Variants in PTPRM observed in about 807,000 individuals in gnomAD.
PTPRM encodes receptor-type tyrosine-protein phosphatase mu.
Under a neutral mutation model 186.7 loss-of-function variants are expected in PTPRM, and 47 were observed. That is an observed-to-expected ratio of 0.25 (90% CI 0.20 to 0.32). The LOEUF is 0.32. PTPRM is among the 10% of genes least tolerant of loss of function. PTPRM has a pLI of 1.00. For synonymous variants in PTPRM, 668 were observed against 674.9 expected (o/e 0.99, Z 0.16); for missense variants, 1,494 against 1,865.0 (o/e 0.80, Z 3.66).
intron 14 of PTPRM, among the ~76,000 whole-genome samples, chr18:8,191,114 C>A (rs923017425): frequency 6.6e-6 from 1 of 152,114 alleles, no homozygotes. Flanking sequence ...GGAAAGGGAA[C>A]CTTAAGTTGG....
At chr18:8,374,271 A>G (rs1437964389) in intron 24 of PTPRM, among the ~76,000 whole-genome samples, 1 of 152,182 alleles carries the variant, frequency 6.6e-6, no homozygotes. Flanking sequence ...TGGAACTGAA[A>G]TCTAACAAAG....
At chr18:8,292,718 T>C (rs1423670009) in intron 19 of PTPRM, among the ~76,000 whole-genome samples, 1 of 152,218 alleles carries the variant, frequency 6.6e-6, no homozygotes, top group Non-Finnish European at 1.5e-5. Context: ...GTGGCTCCCA[T>C]GCAATGAACA....
chr18:8,279,204 T>A (rs934640951), intron 19 of PTPRM, among the ~76,000 whole-genome samples: 1 of 152,116 alleles, frequency 6.6e-6, no homozygotes, highest in Non-Finnish European at 1.5e-5. Flanking sequence ...AATATGAGCA[T>A]TGTGAAAGAA....
intron 2 of PTPRM, among the ~76,000 whole-genome samples, chr18:7,874,440 T>C (rs2048129570): frequency 6.6e-6 from 1 of 152,134 alleles, no homozygotes; most frequent in Non-Finnish European, 1.5e-5. Context: ...GAATTTTCCC[T>C]AATATACAGT....
At chr18:7,658,240 T>C (rs1479323279) in intron 1 of PTPRM, among the ~76,000 whole-genome samples, 2 of 151,484 alleles carry the variant, frequency 1.3e-5, no homozygotes, top group African/African-American at 2.4e-5. Context: ...GTAGAAGCTA[T>C]ACAGCATTTG....
intron 19 of PTPRM, among the ~76,000 whole-genome samples, chr18:8,263,327 T>A (rs2094656281): frequency 6.6e-6 from 1 of 152,186 alleles, no homozygotes; most frequent in South Asian, 2.1e-4. Context: ...CAGGCTGGTC[T>A]CGAACTCCTG....
intron 1 of PTPRM, among the ~76,000 whole-genome samples, chr18:7,641,314 C>A (rs1477807387): frequency 6.6e-6 from 1 of 152,050 alleles, no homozygotes; most frequent in African/African-American, 2.4e-5. Context: ...TTGATTTTTC[C>A]TAATTATCCT....
At chr18:7,764,801 C>T (rs937386243) in intron 1 of PTPRM, among the ~76,000 whole-genome samples, 1 of 152,204 alleles carries the variant, frequency 6.6e-6, no homozygotes. Context: ...TGACGATCTT[C>T]TCCCTGAGAC....
chr18:8,157,145 T>C (rs588924), intron 14 of PTPRM, among the ~76,000 whole-genome samples: 151,926 of 152,314 alleles, frequency 1, 75,770 homozygotes, highest in Middle Eastern at 1. Flanking sequence ...GGCTGTGTGA[T>C]CTTAGACAAG....
At chr18:7,689,884 G>A (rs1486916390) in intron 1 of PTPRM, among the ~76,000 whole-genome samples, 3 of 152,230 alleles carry the variant, frequency 2.0e-5, no homozygotes, top group Admixed American at 6.5e-5. Flanking sequence ...CCTACAAAGA[G>A]CTTAACATGA....
chr18:8,127,462 T>G (rs1410908739), intron 13 of PTPRM, among the ~76,000 whole-genome samples: 1 of 139,188 alleles, frequency 7.2e-6, no homozygotes, highest in Non-Finnish European at 1.5e-5. Flanking sequence ...TTGTAAAAGA[T>G]AAAATTCCCT....
intron 1 of PTPRM, among the ~76,000 whole-genome samples, chr18:7,773,570 G>GTTTTTTTTTTTTTTTTTTTTGT (rs10708698): frequency 7.7e-6 from 1 of 129,096 alleles, no homozygotes; most frequent in Non-Finnish European, 1.6e-5. Flanking sequence ...TCTTTTCTTT[G>GTTTTTTTTTTTTTTTTTTTTGT]TTTTTTTTTT....
chr18:8,006,654 C>T (rs1052776336), intron 7 of PTPRM, among the ~76,000 whole-genome samples: 1 of 152,156 alleles, frequency 6.6e-6, no homozygotes, highest in Non-Finnish European at 1.5e-5. Context: ...CCATGGCAAC[C>T]CCAGACAGAT....
In PTPRM at chr18:7,701,795, G is replaced by C. The variant is rs1465501218; in HGVS notation, c.74-72354G>C. The stretch of plus-strand genomic sequence containing the variant: ...ACATAGGTATACACGTGCCATGGTG[G>C]TTTGCTGCACCCATCAACCCGTCAT... On this transcript the variant is annotated intron_variant, in intron 1 of 32. Transcript: ENST00000580170. Among the ~76,000 whole-genome samples the C allele has an allele frequency of 2.0e-5, 3 of 151,980 alleles. No homozygotes were observed. The South Asian group carries it at 6.2e-4, about 32-fold the overall frequency.
intron 7 of PTPRM, among the ~76,000 whole-genome samples, chr18:8,010,659 G>A (rs956445396): frequency 6.6e-6 from 1 of 152,212 alleles, no homozygotes; most frequent in Non-Finnish European, 1.5e-5. Context: ...CATGGACTTG[G>A]TGAGATGGAG....
At chr18:8,283,224 AGGTGTAATCATTG>A (rs2094923029) in intron 19 of PTPRM, among the ~76,000 whole-genome samples, 1 of 152,230 alleles carries the variant, frequency 6.6e-6, no homozygotes, top group Non-Finnish European at 1.5e-5. Context: ...CAGTTATGTG[AGGTGTAATCATTG>A]GGGAAAACCG....
intron 14 of PTPRM, among the ~76,000 whole-genome samples, chr18:8,216,044 C>G (rs922542128): frequency 6.6e-6 from 1 of 152,204 alleles, no homozygotes; most frequent in Non-Finnish European, 1.5e-5. Flanking sequence ...CAGGAGAGTG[C>G]AGTTCTCTTT....
At chr18:7,861,434 G>C (rs1263174346) in intron 2 of PTPRM, among the ~76,000 whole-genome samples, 1 of 152,042 alleles carries the variant, frequency 6.6e-6, no homozygotes, top group Admixed American at 6.6e-5. Flanking sequence ...ATGCAATCTG[G>C]CTTATTGCAG....
chr18:7,748,937 A>C (rs780117225), intron 1 of PTPRM: 1 of 152,208 alleles, frequency 6.6e-6, no homozygotes, highest in South Asian at 2.1e-4. Context: ...AGTTTAGACC[A>C]ATTTGTCCAT....
Sources: gnomAD v4.1 joint callset for allele counts (sites outside exome capture counted in the v4.1 genomes callset) on GRCh38, gnomAD v4.1.1 for gene constraint, MANE v1.5 for transcripts, NCBI Gene and HGNC (gene_info 2026-07-23, HGNC 2026-07-21) for gene names.